DNAH11: variants seen among roughly 807,000 people sequenced by gnomAD.
The protein encoded by DNAH11 is dynein axonemal heavy chain 11, also known as axonemal beta dynein heavy chain 11.
In DNAH11, 442 loss-of-function variants were observed where a neutral mutation model predicts 526.0. The ratio of observed to expected loss-of-function variants is 0.84; its 90% CI spans 0.78 to 0.91. The LOEUF is 0.91. DNAH11 is among the 40% of genes least tolerant of loss of function. The probability of loss-of-function intolerance (pLI) is 0.00; values close to 1 mark genes in which losing one functional copy is unlikely to be tolerated. For missense variants in DNAH11, 6,989 were observed against 5,448.7 expected, an observed-to-expected ratio of 1.28 and a Z score of -8.90; for synonymous variants, 2,461 against 1,935.9, an observed-to-expected ratio of 1.27 and a Z score of -7.12.
At chr7:21,756,561 T>G (rs1786650467) in intron 54 of DNAH11, among the ~76,000 whole-genome samples, 1 of 152,116 alleles carries the variant, frequency 6.6e-6, no homozygotes, top group African/African-American at 2.4e-5. Context: ...TTTTAAAAAA[T>G]TCAATGAAAA....
chr7:21,840,714 C>A (rs529534213), intron 65 of DNAH11, among the ~76,000 whole-genome samples: 1 of 152,040 alleles, frequency 6.6e-6, no homozygotes, highest in East Asian at 1.9e-4. Flanking sequence ...TTACTACGTA[C>A]CCTTAAATTA....
intron 66 of DNAH11, chr7:21,851,596 A>G (rs2128023451): frequency 2.1e-6 from 1 of 471,526 alleles, no homozygotes; most frequent in Non-Finnish European, 4.4e-6. Flanking sequence ...GCTGGTGTAG[A>G]TTTTATCTGA....
intron 64 of DNAH11, 79 bp downstream of exon 64, chr7:21,816,781 C>A: frequency 9.0e-7 from 1 of 1,116,432 alleles, no homozygotes; most frequent in Non-Finnish European, 1.3e-6. Context: ...CGTGATGTTT[C>A]TTAGACCTCT....
chr7:21,768,835 G>T (rs1164230548), intron 55 of DNAH11, among the ~76,000 whole-genome samples: 1 of 152,128 alleles, frequency 6.6e-6, no homozygotes, highest in Non-Finnish European at 1.5e-5. Flanking sequence ...CAAACACAAA[G>T]GGTATAAGAC....
At chr7:21,729,842 T>C (rs1258011160) in intron 45 of DNAH11, among the ~76,000 whole-genome samples, 1 of 152,218 alleles carries the variant, frequency 6.6e-6, no homozygotes, top group Non-Finnish European at 1.5e-5. Context: ...TGTCTTACCC[T>C]GTTCCAAAGT....
intron 28 of DNAH11, among the ~76,000 whole-genome samples, chr7:21,648,154 C>G (rs1787444658): frequency 6.6e-6 from 1 of 152,162 alleles, no homozygotes; most frequent in African/African-American, 2.4e-5. Context: ...CCTCAATATC[C>G]TTATATACCA....
chr7:21,750,993 A>G (rs1317351569), intron 54 of DNAH11, among the ~76,000 whole-genome samples: 2 of 152,166 alleles, frequency 1.3e-5, no homozygotes, highest in Non-Finnish European at 2.9e-5. Flanking sequence ...GAAAGTGATG[A>G]TGATGTCAGT....
intron 45 of DNAH11, among the ~76,000 whole-genome samples, chr7:21,726,661 G>A (rs1167267509): frequency 9.3e-4 from 140 of 150,990 alleles, no homozygotes; most frequent in South Asian, 1.3e-3. Flanking sequence ...GGAGATCGAG[G>A]CCATCCTGGC....
rs768905144 is a variant in DNAH11 at position 21,789,246 on chromosome 7, C to G, written c.9930C>G (p.Tyr3310Ter). ...ATTAATTCATGAATTTTCAGGTCTACTGTGATGTGGAGCCAAAACGCCAAG... is the reference window on the plus strand; with the variant it reads ...ATTAATTCATGAATTTTCAGGTCTAGTGTGATGTGGAGCCAAAACGCCAAG... ...VINIIKFYEV[Y>*]CDVEPKRQAL... is the part of the protein sequence containing the mutation. The change falls in exon 61 of 82, where the codon TAC (tyrosine) becomes TAG (stop). Residue 3310 changes from tyrosine (Y) to a stop codon, truncating the protein, a stop_gained. Coordinates refer to ENST00000409508, the MANE Select transcript of DNAH11 (RefSeq NM_001277115.2). LOFTEE classifies it high-confidence loss of function. 2.6e-6 allele frequency: 4 copies of G among 1,567,094 alleles called. No individual in the cohort carries two copies. Among genetic ancestry groups the G allele is most frequent in the Non-Finnish European group, 2.6e-6 (3 of 1,155,188 alleles).
chr7:21,808,128 G>C (rs1046569657), intron 63 of DNAH11, 79 bp downstream of exon 63: 4 of 1,209,920 alleles, frequency 3.3e-6, no homozygotes, highest in Non-Finnish European at 3.2e-6. Flanking sequence ...ATATATGCCA[G>C]GCGCTTTTGG....
At chr7:21,643,766 T>C (rs1787227775) in intron 28 of DNAH11, among the ~76,000 whole-genome samples, 1 of 152,200 alleles carries the variant, frequency 6.6e-6, no homozygotes, top group African/African-American at 2.4e-5. Flanking sequence ...AGCTATGCTG[T>C]AAATATAAAA....
At chr7:21,601,691 C>T in intron 18 of DNAH11, 73 bp downstream of exon 18, 13 of 1,165,460 alleles carry the variant, frequency 1.1e-5, no homozygotes, top group Non-Finnish European at 1.4e-5. Flanking sequence ...TTTACATGTA[C>T]TCTCTTATGA....
At chr7:21,776,801 A>G (rs192287433) in intron 56 of DNAH11, among the ~76,000 whole-genome samples, 7 of 152,336 alleles carry the variant, frequency 4.6e-5, no homozygotes, top group African/African-American at 1.4e-4. Context: ...ATTACAAAGC[A>G]TAGTACAGAC....
chr7:21,566,551 AC>A (rs1235766261), intron 6 of DNAH11, among the ~76,000 whole-genome samples: 1 of 151,834 alleles, frequency 6.6e-6, no homozygotes, highest in Non-Finnish European at 1.5e-5. Context: ...CAAAAGTTAC[AC>A]CCTCATAGCA....
chr7:21,873,985 T>G (rs999564430), intron 74 of DNAH11, among the ~76,000 whole-genome samples: 2 of 151,850 alleles, frequency 1.3e-5, no homozygotes, highest in African/African-American at 2.4e-5. Context: ...GAGATGGGGT[T>G]TCACCATGTT....
intron 76 of DNAH11, among the ~76,000 whole-genome samples, chr7:21,885,237 A>G (rs893168808): frequency 6.7e-6 from 1 of 148,906 alleles, no homozygotes; most frequent in Non-Finnish European, 1.5e-5. Flanking sequence ...ATATCATGGT[A>G]ATATAGAATT....
chr7:21,887,127 A>G (rs751008908), intron 76 of DNAH11, among the ~76,000 whole-genome samples: 2 of 152,196 alleles, frequency 1.3e-5, no homozygotes, highest in Non-Finnish European at 2.9e-5. Context: ...TTGCATTGGA[A>G]CATGATCAAA....
chr7:21,601,050 T>A lies in DNAH11; in HGVS notation c.3296T>A (p.Phe1099Tyr). The change falls in exon 17 of 82, where the codon TTT (phenylalanine) becomes TAT (tyrosine). Residue 1099 changes from phenylalanine to tyrosine, a missense_variant. Phe to Tyr is a conservative substitution (Grantham distance 22). Transcript: ENST00000409508. ...GCTTTGTATGTTCAAATGAGCAAAT[T>A]TGAGGACTTTAGAGTGTTTGATAGT... ...YEALYVQMSK[F>Y]EDFRVFDSWF... is the part of the protein sequence containing the mutation. 1 of 1,612,108 alleles carries A rather than the reference T, an allele frequency of 6.2e-7. No homozygotes were observed.
intron 63 of DNAH11, among the ~76,000 whole-genome samples, chr7:21,813,965 T>C (rs2127999099): frequency 6.6e-6 from 1 of 152,316 alleles, no homozygotes; most frequent in African/African-American, 2.4e-5. Context: ...TTCTGAGAAA[T>C]GTCTTTTGGT....
Sources: allele counts gnomAD v4.1 joint callset (sites outside exome capture counted in the v4.1 genomes callset), GRCh38; gene constraint gnomAD v4.1.1; transcripts MANE v1.5; gene names NCBI Gene and HGNC (gene_info 2026-07-23, HGNC 2026-07-21).